The following BSG variants were observed in gnomAD, a reference collection of about 807,000 sequenced individuals.
The protein encoded by BSG is basigin.
Under a neutral mutation model 43.1 loss-of-function variants are expected in BSG, and 37 were observed. The observed-to-expected ratio is 0.86, with a 90% CI of 0.66 to 1.13. The LOEUF is 1.13. Among genes scored for constraint, BSG ranks in the 50% most tolerant of loss-of-function variants. The pLI is 0.00. For synonymous variants in BSG, 309 were observed against 238.7 expected (o/e 1.29, Z -2.72); for missense variants, 599 against 554.2 (o/e 1.08, Z -0.81).
At chr19:573,625 C>T (rs1234290182) in intron 1 of BSG, among the ~76,000 whole-genome samples, 1 of 152,180 alleles carries the variant, frequency 6.6e-6, no homozygotes, top group Non-Finnish European at 1.5e-5. Flanking sequence ...GATTCAGCAC[C>T]CAGAATGAGG....
At chr19:582,706 C>A in intron 8 of BSG, 44 bp from the exon 9 acceptor site, 1 of 1,091,258 alleles carries the variant, frequency 9.2e-7, no homozygotes, top group South Asian at 1.5e-5. Context: ...GCCTGTGGGT[C>A]GCTGGGAGGT....
chr19:572,392 C>G (rs1022086999), upstream of BSG: 1 of 985,308 alleles, frequency 1.0e-6, no homozygotes. Context: ...CGTTTCCTAG[C>G]AACGCCGGGT....
At chr19:575,584 G>GCTGCTGT (rs1319629084) in intron 1 of BSG, among the ~76,000 whole-genome samples, 5 of 140,336 alleles carry the variant, frequency 3.6e-5, no homozygotes, top group Non-Finnish European at 7.6e-5. Context: ...GTTCTCGCTG[G>GCTGCTGT]CTGCTGTCTG....
At chr19:578,718 C>CA (rs11458913) in intron 2 of BSG, 153,648 of 287,160 alleles carry the variant, frequency 0.54, 46,312 homozygotes, top group African/African-American at 0.83. Flanking sequence ...GAGCCTTGGC[C>CA]GGGGGTGCTG....
intron 1 of BSG, among the ~76,000 whole-genome samples, chr19:573,926 C>T (rs968161462): frequency 3.3e-5 from 5 of 152,190 alleles, no homozygotes; most frequent in African/African-American, 9.7e-5. Context: ...AAAATTTCTT[C>T]CTTTGTTGAG....
chr19:572,049 G>T (rs1419707062), upstream of BSG: 1 of 155,376 alleles, frequency 6.4e-6, no homozygotes, highest in Non-Finnish European at 1.4e-5. Flanking sequence ...TTTGGGCGGA[G>T]GAGGTCACTT....
In BSG at chr19:580,780, A is replaced by G. The variant is rs752862951; in HGVS notation, c.790A>G (p.Lys264Glu). ...GTACAAGATCACTGACTCTGAGGACAAGGTGAGAAGCCAAGGAGGCTGGGG... is the reference window on the plus strand; with the variant it reads ...GTACAAGATCACTGACTCTGAGGACGAGGTGAGAAGCCAAGGAGGCTGGGG... Reference protein sequence around the residue: ...AWYKITDSEDKALMNGSESRF... With the variant: ...AWYKITDSEDEALMNGSESRF... Residue 264 changes from lysine (K) to glutamate (E), a missense_variant and splice_region_variant, in exon 5 of 9, where the codon AAG becomes GAG. Physicochemically the swap from Lys to Glu is moderately conservative, Grantham distance 56. Coordinates refer to ENST00000333511, the MANE Select transcript of BSG (RefSeq NM_001728.4). 1 of 1,591,992 alleles carries G rather than the reference A, an allele frequency of 6.3e-7. No homozygotes were observed. Among genetic ancestry groups the G allele is most frequent in the South Asian group, 1.1e-5 (1 of 89,094 alleles).
chr19:578,048 G>A lies in BSG; in HGVS notation c.342G>A (p.Pro114=), dbSNP rs372301768. The A allele has an allele frequency of 4.0e-5, 64 of 1,610,942 alleles. No individual in the cohort carries two copies. The highest frequency in any genetic ancestry group is 2.4e-4 in the African/African-American group (18 of 74,912). Residue 114 remains proline (P), a synonymous_variant, in exon 2 of 9, where the codon CCG becomes CCA. Coordinates refer to ENST00000333511, the MANE Select transcript of BSG (RefSeq NM_001728.4). ...GTYECRASND[P]DRNHLTRAPR... is the part of the protein sequence containing the mutation. ...ACGAGTGCCGGGCCAGCAACGACCC[G>A]GATCGCAACCACCTGACCCGGGCGC...
upstream of BSG, chr19:572,081 A>G: frequency 6.8e-6 from 1 of 147,042 alleles, no homozygotes; most frequent in Non-Finnish European, 1.5e-5. Flanking sequence ...ATTTATTAAT[A>G]CGTTCATATA....
upstream of BSG, chr19:571,666 C>A: frequency 2.6e-6 from 2 of 763,026 alleles, no homozygotes; most frequent in South Asian, 2.8e-5. Flanking sequence ...GAAACCAGCA[C>A]TTAGAAAATT....
chr19:572,299 C>A (rs1670499622), upstream of BSG: 3 of 802,172 alleles, frequency 3.7e-6, no homozygotes, highest in Admixed American at 6.1e-5. Flanking sequence ...CCCTCGGGCG[C>A]ACCGCTCTGC....
chr19:571,628 T>TG (rs766116612), upstream of BSG: 1 of 779,056 alleles, frequency 1.3e-6, no homozygotes, highest in South Asian at 1.3e-5. Context: ...ATGGGATATT[T>TG]GGGGGCGGCG....
At chr19:579,032 C>T in intron 2 of BSG, 1 of 456,642 alleles carries the variant, frequency 2.2e-6, no homozygotes, top group Non-Finnish European at 4.4e-6. Flanking sequence ...GCCCGGCCAC[C>T]ACCGCGCCCA....
At position 577,756 on chromosome 19, in the gene BSG, CG is replaced by C. The variant is rs1416885249; in HGVS notation, c.68-17del. ...TGCCCCAGGCACTAACAAGACCCCA[CG>C]CGTGCTCTCCCCACAGCCGGCTTCG... On this transcript the variant is annotated splice_polypyrimidine_tract_variant and intron_variant, in intron 1 of 8. Transcript: ENST00000333511. 3 of 1,395,180 alleles carry C rather than the reference CG, an allele frequency of 2.2e-6. No individual in the cohort carries two copies. The highest frequency in any genetic ancestry group is 2.8e-6 in the Non-Finnish European group (3 of 1,074,764). 86.4% of individuals were successfully genotyped at this position (1,395,180 alleles called of 1,614,324 possible).
chr19:575,679 C>G (rs1981705619), intron 1 of BSG, among the ~76,000 whole-genome samples: 1 of 150,048 alleles, frequency 6.7e-6, no homozygotes, highest in Admixed American at 6.6e-5. Flanking sequence ...ACCACGCGGC[C>G]TGCCTGGCCC....
chr19:581,332 C>A lies in BSG; in HGVS notation c.810C>A (p.Ser270=). The A allele has an allele frequency of 6.2e-7, 1 of 1,612,428 alleles. No homozygotes were observed. The highest frequency in any genetic ancestry group is 8.5e-7 in the Non-Finnish European group (1 of 1,179,726). Residue 270 remains serine, a synonymous_variant, in exon 6 of 9, where the codon TCC becomes TCA. Transcript: ENST00000333511. Reference sequence around the variant, plus strand: ...TCCCCTAGGCCCTCATGAACGGCTCCGAGAGCAGGTTCTTCGTGAGTTCCT... The same window carrying A: ...TCCCCTAGGCCCTCATGAACGGCTCAGAGAGCAGGTTCTTCGTGAGTTCCT... ...DSEDKALMNG[S]ESRFFVSSSQ... is the part of the protein sequence containing the mutation.
intron 2 of BSG, chr19:578,787 G>C: frequency 6.0e-6 from 2 of 332,044 alleles, no homozygotes; most frequent in East Asian, 9.0e-5. Flanking sequence ...GTGGAGTGTG[G>C]TGGCACAATC....
At chr19:582,482 G>C in intron 7 of BSG, 32 bp from the exon 8 acceptor site, 1 of 1,605,092 alleles carries the variant, frequency 6.2e-7, no homozygotes, top group Non-Finnish European at 8.5e-7. Context: ...ACTTGCGGGG[G>C]ACACCCTCTC....
At chr19:574,452 C>T (rs1342275011) in intron 1 of BSG, among the ~76,000 whole-genome samples, 2 of 152,016 alleles carry the variant, frequency 1.3e-5, no homozygotes, top group Non-Finnish European at 2.9e-5. Context: ...GCTAGGGAGT[C>T]TGAGGCAGGA....
Sources: allele counts gnomAD v4.1 joint callset (sites outside exome capture counted in the v4.1 genomes callset), GRCh38; gene constraint gnomAD v4.1.1; transcripts MANE v1.5; gene names NCBI Gene and HGNC (gene_info 2026-07-23, HGNC 2026-07-21).